The following HERC2 variants were observed in gnomAD, a reference collection of about 807,000 sequenced individuals.
HERC2 encodes the protein E3 ubiquitin-protein ligase HERC2.
HERC2 carries 102 observed loss-of-function variants against 537.7 expected under a neutral mutation model. The ratio of observed to expected loss-of-function variants is 0.19; its 90% CI spans 0.16 to 0.22. The LOEUF is 0.22. Among genes scored for constraint, HERC2 ranks in the 10% least tolerant of loss-of-function variants. The pLI is 1.00. For missense variants in HERC2, 4,236 were observed against 6,198.2 expected (o/e 0.68, Z 10.63); for synonymous variants, 2,224 against 2,466.2 (o/e 0.90, Z 2.91).
At chr15:28,250,604 C>A (rs1272020271) in intron 20 of HERC2, among the ~76,000 whole-genome samples, 1 of 152,228 alleles carries the variant, frequency 6.6e-6, no homozygotes, top group African/African-American at 2.4e-5. Flanking sequence ...ACGATCTACT[C>A]TGAAATACGT....
intron 20 of HERC2, among the ~76,000 whole-genome samples, chr15:28,251,374 C>A (rs1414835332): frequency 1.3e-5 from 2 of 150,858 alleles, no homozygotes; most frequent in Non-Finnish European, 2.9e-5. Context: ...ACCCAGGAGG[C>A]AGAGGCTGCA....
rs770769748 is a variant in HERC2 at position 28,299,430 on chromosome 15, G to C, written c.159C>G (p.Thr53=). ...GEIVYTGTES[T]QNGELPPRKD... Reference sequence around the variant, plus strand: ...TTCTAGGAGGGAGCTCTCCGTTCTGGGTTGATTCTGTTCCAGTGTATACAA... The same window carrying C: ...TTCTAGGAGGGAGCTCTCCGTTCTGCGTTGATTCTGTTCCAGTGTATACAA... The change falls in exon 3 of 93, where the codon ACC becomes ACG. Residue 53 remains threonine, a synonymous_variant. Transcript: ENST00000261609. 7 of 1,589,198 alleles carry C rather than the reference G, an allele frequency of 4.4e-6. No homozygotes were observed.
intron 2 of HERC2, among the ~76,000 whole-genome samples, chr15:28,309,823 T>C (rs1448534962): frequency 6.6e-6 from 1 of 152,200 alleles, no homozygotes; most frequent in Non-Finnish European, 1.5e-5. Flanking sequence ...TTTGGTAACT[T>C]GTTCTGTAGC....
chr15:28,276,937 T>C (rs1195009228), intron 5 of HERC2, among the ~76,000 whole-genome samples: 1 of 151,988 alleles, frequency 6.6e-6, no homozygotes, highest in Non-Finnish European at 1.5e-5. Flanking sequence ...GAGCTGGGTG[T>C]GGTGTCATGC....
intron 3 of HERC2, 43 bp downstream of exon 3, chr15:28,299,359 A>T: frequency 1.3e-6 from 1 of 772,850 alleles, no homozygotes; most frequent in Non-Finnish European, 2.2e-6. Context: ...TGCATTTTAT[A>T]ATGGTCTTTA....
At chr15:28,209,564 C>T (rs1488637311) in intron 44 of HERC2, among the ~76,000 whole-genome samples, 1 of 152,128 alleles carries the variant, frequency 6.6e-6, no homozygotes, top group Non-Finnish European at 1.5e-5. Context: ...AGGATGGTCT[C>T]GATCTCCTGA....
intron 69 of HERC2, among the ~76,000 whole-genome samples, chr15:28,161,005 T>C (rs1002929352): frequency 2.0e-5 from 3 of 152,222 alleles, no homozygotes; most frequent in Non-Finnish European, 4.4e-5. Context: ...CTTAGAATTA[T>C]GCCAAGTAAC....
rs766238180 is a variant in HERC2, at chr15:28,260,856, C to T, written c.2237G>A (p.Arg746His). 4.0e-5 allele frequency: 64 copies of T among 1,614,106 alleles called. No homozygotes were observed. Among genetic ancestry groups the T allele is most frequent in the East Asian group, 8.9e-5 (4 of 44,892 alleles). Residue 746 changes from arginine to histidine, a missense_variant, in exon 16 of 93, where the codon CGC becomes CAC. Transcript: ENST00000261609. The part of the protein sequence containing the change: ...NDQCQHFDTL[R>H]VTKPEPAALP... The stretch of plus-strand genomic sequence containing the variant: ...TGCTGCAGGTTCTGGCTTGGTCACG[C>T]GCAAGGTGTCAAAGTGCTGGCACTG...
chr15:28,135,715 T>C, intron 78 of HERC2, 23 bp from the exon 79 acceptor site: 2 of 1,566,476 alleles, frequency 1.3e-6, no homozygotes, highest in Non-Finnish European at 1.8e-6. Context: ...AAAGCAATAG[T>C]AACATCAGTT....
rs1260025895 is a variant in HERC2 at position 28,111,520 on chromosome 15, T to C, written c.*243A>G. The stretch of plus-strand genomic sequence containing the variant: ...ACACTTTAGTAAACACAGTCCTACA[T>C]GTAATGCAGCATTACGGGTGAGAAG... On this transcript the variant is annotated 3_prime_UTR_variant, in exon 93 of 93. Transcript: ENST00000261609. 3.5e-6 allele frequency: 2 copies of C among 566,038 alleles called. No individual in the cohort carries two copies. The highest frequency in any genetic ancestry group is 3.3e-5 in the Admixed American group (1 of 30,692). 35.1% of individuals were successfully genotyped at this position (566,038 alleles called of 1,614,324 possible).
Position 28,201,423 on chromosome 15 carries a change from G to A in HERC2, c.7716+33C>T, listed in dbSNP as rs574674631. 46 of 1,334,152 alleles carry A rather than the reference G, an allele frequency of 3.4e-5. No individual in the cohort carries two copies. In the East Asian group the frequency reaches 5.5e-4, roughly 16 times the overall value. 82.6% of individuals were successfully genotyped at this position (1,334,152 alleles called of 1,614,324 possible). ...CTCAAATATTTGCTGAATGAAAAAC[G>A]GATCGAGGCTCCAGCTTAAGACAAT... On this transcript the variant is annotated intron_variant, in intron 48 of 92. Transcript: ENST00000261609.
At chr15:28,187,017 A>AT (rs1412516133) in intron 55 of HERC2, among the ~76,000 whole-genome samples, 1 of 152,208 alleles carries the variant, frequency 6.6e-6, no homozygotes, top group East Asian at 1.9e-4. Flanking sequence ...TTTAAATAGG[A>AT]TAACAGCCTT....
At chr15:28,282,499 T>C (rs1171491222) in intron 4 of HERC2, among the ~76,000 whole-genome samples, 3 of 151,306 alleles carry the variant, frequency 2.0e-5, no homozygotes, top group Admixed American at 6.6e-5. Flanking sequence ...AGAAACCAAA[T>C]AGAAAGTTTA....
chr15:28,287,517 T>G (rs2076188355), intron 4 of HERC2, among the ~76,000 whole-genome samples: 2 of 152,076 alleles, frequency 1.3e-5, no homozygotes, highest in African/African-American at 2.4e-5. Context: ...GGTACTTTGA[T>G]ACCTAGGTGA....
At chr15:28,135,437 A>G (rs752472628) in intron 79 of HERC2, 41 bp downstream of exon 79, 2 of 1,512,840 alleles carry the variant, frequency 1.3e-6, no homozygotes, top group African/African-American at 1.4e-5. Context: ...AAACAAAAAC[A>G]AAGACAAATA....
At chr15:28,216,678 TAA>T (rs775180713) in intron 38 of HERC2, among the ~76,000 whole-genome samples, 5 of 150,478 alleles carry the variant, frequency 3.3e-5, no homozygotes, top group African/African-American at 7.4e-5. Context: ...ACACTGATAC[TAA>T]GTTATTCAGA....
chr15:28,117,761 C>T, intron 86 of HERC2: 1 of 357,640 alleles, frequency 2.8e-6, no homozygotes, highest in Admixed American at 3.7e-5. Flanking sequence ...ACTCCCTGCC[C>T]ATCCTTCTCA....
At chr15:28,141,944 T>G in intron 76 of HERC2, 98 bp from the exon 77 acceptor site, 1 of 964,154 alleles carries the variant, frequency 1.0e-6, no homozygotes, top group Non-Finnish European at 1.6e-6. Flanking sequence ...CCTAAAAATA[T>G]GAGGGAAGAG....
intron 2 of HERC2, among the ~76,000 whole-genome samples, chr15:28,311,039 A>T (rs2525940): frequency 0.97 from 136,019 of 140,162 alleles, 66,024 homozygotes; most frequent in Non-Finnish European, 0.99. Context: ...ATCGCACCAC[A>T]GCACTCCAGC....
Sources: allele counts gnomAD v4.1 joint callset (sites outside exome capture counted in the v4.1 genomes callset), GRCh38; gene constraint gnomAD v4.1.1; transcripts MANE v1.5; gene names NCBI Gene and HGNC (gene_info 2026-07-23, HGNC 2026-07-21).